KCNK2: variants seen among roughly 807,000 people sequenced by gnomAD.
The protein encoded by KCNK2 is potassium two pore domain channel subfamily K member 2.
In KCNK2, 21 loss-of-function variants were observed where a neutral mutation model predicts 40.5. The observed-to-expected ratio is 0.52, with a 90% CI of 0.37 to 0.75. KCNK2 has a LOEUF of 0.75. Among genes scored for constraint, KCNK2 ranks in the 30% least tolerant of loss-of-function variants. KCNK2 has a pLI of 0.00. For synonymous variants in KCNK2, 191 were observed against 202.2 expected (o/e 0.94, Z 0.47); for missense variants, 399 against 531.6 (o/e 0.75, Z 2.45).
chr1:215,057,598 T>C (rs920408142), intron 1 of KCNK2, among the ~76,000 whole-genome samples: 4 of 152,186 alleles, frequency 2.6e-5, no homozygotes, highest in African/African-American at 4.8e-5. Flanking sequence ...CTATAGCTTC[T>C]ATTTTCTGTT....
chr1:215,154,028 T>A (rs79814290), intron 3 of KCNK2, among the ~76,000 whole-genome samples: 14,572 of 152,188 alleles, frequency 0.096, 2,290 homozygotes, highest in African/African-American at 0.33. Flanking sequence ...ATGACTTTGC[T>A]ATTGTAAATA....
chr1:215,043,540 A>G (rs1385939426), intron 1 of KCNK2, among the ~76,000 whole-genome samples: 3 of 152,234 alleles, frequency 2.0e-5, no homozygotes, highest in South Asian at 2.1e-4. Flanking sequence ...GAAACAAGCC[A>G]TTCACCAAAG....
intron 1 of KCNK2, among the ~76,000 whole-genome samples, chr1:215,056,384 C>G (rs1571874114): frequency 7.0e-6 from 1 of 142,694 alleles, no homozygotes; most frequent in African/African-American, 2.6e-5. Context: ...TAAAAGAAAA[C>G]TAGAGGCATA....
intron 1 of KCNK2, among the ~76,000 whole-genome samples, chr1:215,046,512 C>G (rs1036013206): frequency 1.3e-5 from 2 of 151,970 alleles, no homozygotes; most frequent in East Asian, 1.9e-4. Flanking sequence ...GTACTTTCAA[C>G]TTTGAAAGCT....
At chr1:215,086,117 G>T (rs1192646555) in intron 1 of KCNK2, among the ~76,000 whole-genome samples, 1 of 152,006 alleles carries the variant, frequency 6.6e-6, no homozygotes, top group Non-Finnish European at 1.5e-5. Flanking sequence ...GAAGTTTCTT[G>T]GTTCGACTCC....
chr1:215,130,645 A>C (rs1193596946), intron 3 of KCNK2, among the ~76,000 whole-genome samples: 1 of 152,178 alleles, frequency 6.6e-6, no homozygotes, highest in Non-Finnish European at 1.5e-5. Context: ...TTAGAGAATC[A>C]GAGAACTGGG....
chr1:215,023,227 T>C (rs1432772635), intron 1 of KCNK2, among the ~76,000 whole-genome samples: 2 of 152,186 alleles, frequency 1.3e-5, no homozygotes, highest in Non-Finnish European at 2.9e-5. Flanking sequence ...TTTTTGTATC[T>C]TTTTTTCCTG....
At chr1:215,174,772 T>C (rs568629829) in intron 5 of KCNK2, among the ~76,000 whole-genome samples, 1 of 152,320 alleles carries the variant, frequency 6.6e-6, no homozygotes, top group African/African-American at 2.4e-5. Context: ...GATGTTTGTC[T>C]GTTATTGGTG....
chr1:215,194,411 C>T (rs563460141), intron 5 of KCNK2, among the ~76,000 whole-genome samples: 2 of 152,082 alleles, frequency 1.3e-5, no homozygotes, highest in African/African-American at 4.8e-5. Flanking sequence ...TCATTCGAAC[C>T]ATCAAGTCAT....
chr1:215,066,329 A>C (rs185174982), intron 1 of KCNK2, among the ~76,000 whole-genome samples: 1 of 152,252 alleles, frequency 6.6e-6, no homozygotes. Flanking sequence ...GCACAAAATA[A>C]TTGATAGAAA....
chr1:215,123,240 T>A (rs1661274519), intron 2 of KCNK2, among the ~76,000 whole-genome samples: 1 of 151,774 alleles, frequency 6.6e-6, no homozygotes, highest in South Asian at 2.1e-4. Context: ...AAAACCTGCA[T>A]GTGGAATAGT....
intron 2 of KCNK2, among the ~76,000 whole-genome samples, chr1:215,120,682 T>C (rs1319434345): frequency 6.6e-6 from 1 of 152,180 alleles, no homozygotes; most frequent in Admixed American, 6.5e-5. Flanking sequence ...AGCATGATGA[T>C]CACAAGCAAC....
intron 6 of KCNK2, among the ~76,000 whole-genome samples, chr1:215,210,450 G>A (rs1379602996): frequency 1.3e-5 from 2 of 151,956 alleles, no homozygotes; most frequent in Non-Finnish European, 2.9e-5. Context: ...AGTCAGTATA[G>A]TCTGACTACA....
chr1:215,169,643 C>T (rs930041417), intron 4 of KCNK2, among the ~76,000 whole-genome samples: 1 of 146,078 alleles, frequency 6.8e-6, no homozygotes, highest in Non-Finnish European at 1.5e-5. Flanking sequence ...CTTTTTCTTT[C>T]TTTTTTTTTT....
chr1:215,205,098 A>T (rs2102677812), intron 6 of KCNK2, among the ~76,000 whole-genome samples: 1 of 152,358 alleles, frequency 6.6e-6, no homozygotes, highest in East Asian at 1.9e-4. Context: ...GCTAGTCATT[A>T]GTATTGATCA....
chr1:215,202,272 G>A (rs1665111892), intron 6 of KCNK2, among the ~76,000 whole-genome samples: 1 of 152,190 alleles, frequency 6.6e-6, no homozygotes, highest in Non-Finnish European at 1.5e-5. Flanking sequence ...TTCACTATGT[G>A]ATGGGGAAAA....
At chr1:215,168,175 GCTAGTCAGAA>G (rs1227331837) in intron 3 of KCNK2, among the ~76,000 whole-genome samples, 6 of 152,146 alleles carry the variant, frequency 3.9e-5, no homozygotes, top group African/African-American at 1.4e-4. Flanking sequence ...ACCAACTCAT[GCTAGTCAGAA>G]TGGCGATTAG....
At chr1:215,008,632 A>G (rs1302952708) in intron 1 of KCNK2, among the ~76,000 whole-genome samples, 1 of 152,134 alleles carries the variant, frequency 6.6e-6, no homozygotes, top group Non-Finnish European at 1.5e-5. Context: ...GGTAGATAGT[A>G]AGCATGCGAT....
intron 6 of KCNK2, among the ~76,000 whole-genome samples, chr1:215,205,991 A>G (rs1283861108): frequency 6.6e-6 from 1 of 152,192 alleles, no homozygotes; most frequent in African/African-American, 2.4e-5. Flanking sequence ...TATCTTATTT[A>G]AGATTCACTA....
Sources: gnomAD v4.1 joint callset for allele counts (sites outside exome capture counted in the v4.1 genomes callset) on GRCh38, gnomAD v4.1.1 for gene constraint, MANE v1.5 for transcripts, NCBI Gene and HGNC (gene_info 2026-07-23, HGNC 2026-07-21) for gene names.